MARCHF2: variants seen among roughly 807,000 people sequenced by gnomAD.
The protein encoded by MARCHF2 is E3 ubiquitin-protein ligase MARCHF2.
A neutral mutation model predicts 24.0 loss-of-function variants in MARCHF2; 22 were observed. That is an observed-to-expected ratio of 0.92 (90% CI 0.66 to 1.31). The LOEUF (loss-of-function observed/expected upper bound fraction) is 1.31, where lower values mean the gene tolerates loss of function less well. Among genes scored for constraint, MARCHF2 ranks in the 50% most tolerant of loss-of-function variants. The probability of loss-of-function intolerance (pLI) is 0.00; values close to 1 mark genes in which losing one functional copy is unlikely to be tolerated. For synonymous variants in MARCHF2, 154 were observed against 153.0 expected, an observed-to-expected ratio of 1.01 and a Z score of -0.05; for missense variants, 301 against 335.3, an observed-to-expected ratio of 0.90 and a Z score of 0.80.
At chr19:8,432,860 G>T (rs1967617791) in intron 4 of MARCHF2, among the ~76,000 whole-genome samples, 1 of 151,914 alleles carries the variant, frequency 6.6e-6, no homozygotes, top group African/African-American at 2.4e-5. Flanking sequence ...GCTGCAGCAG[G>T]AGGATCACCA....
intron 2 of MARCHF2, among the ~76,000 whole-genome samples, chr19:8,425,407 A>C (rs1198298667): frequency 1.3e-5 from 2 of 151,990 alleles, no homozygotes; most frequent in Middle Eastern, 3.4e-3. Flanking sequence ...TCAAAAAAAA[A>C]AAAAGAAAAT....
intron 2 of MARCHF2, among the ~76,000 whole-genome samples, chr19:8,426,084 A>G (rs2145554390): frequency 6.6e-6 from 1 of 151,782 alleles, no homozygotes; most frequent in East Asian, 2.0e-4. Context: ...AAACACAATT[A>G]GCCGGGCGTG....
chr19:8,425,439 T>G (rs1967371998), intron 2 of MARCHF2, among the ~76,000 whole-genome samples: 1 of 151,238 alleles, frequency 6.6e-6, no homozygotes, highest in African/African-American at 2.4e-5. Context: ...AGAGATGAGA[T>G]CTCACTAGGT....
chr19:8,432,006 A>C (rs1268111668), intron 4 of MARCHF2, among the ~76,000 whole-genome samples: 3 of 151,692 alleles, frequency 2.0e-5, no homozygotes, highest in Non-Finnish European at 4.4e-5. Context: ...AAAATACAAA[A>C]AATTAACCTG....
chr19:8,424,062 CT>C (rs1411708092), intron 2 of MARCHF2, among the ~76,000 whole-genome samples: 3 of 151,770 alleles, frequency 2.0e-5, no homozygotes. Flanking sequence ...GAAAATAGCT[CT>C]TCTTTGTGTG....
chr19:8,422,702 A>ATTT (rs79474553), intron 2 of MARCHF2, among the ~76,000 whole-genome samples: 16 of 97,110 alleles, frequency 1.6e-4, no homozygotes, highest in African/African-American at 4.1e-4. Context: ...CTCTTTTTAA[A>ATTT]TTTTTTTTTT....
chr19:8,433,543 G>A (rs1967633778), intron 4 of MARCHF2, among the ~76,000 whole-genome samples: 1 of 152,002 alleles, frequency 6.6e-6, no homozygotes, highest in African/African-American at 2.4e-5. Context: ...GTGTGTGGTG[G>A]CACATGCCTG....
chr19:8,425,773 C>T (rs1007575064), intron 2 of MARCHF2, among the ~76,000 whole-genome samples: 1 of 151,974 alleles, frequency 6.6e-6, no homozygotes, highest in East Asian at 2.0e-4. Flanking sequence ...CCTACCACCA[C>T]GCCCAGCTAA....
intron 3 of MARCHF2, chr19:8,427,700 G>A (rs1483322323): frequency 6.6e-6 from 1 of 151,928 alleles, no homozygotes; most frequent in Non-Finnish European, 1.5e-5. Flanking sequence ...GGTGGCTCAT[G>A]CCTGTAATCC....
At chr19:8,436,670 G>A (rs1967730459) in intron 4 of MARCHF2, among the ~76,000 whole-genome samples, 1 of 135,924 alleles carries the variant, frequency 7.4e-6, no homozygotes, top group Admixed American at 9.0e-5. Flanking sequence ...CGTGGCTTAA[G>A]GGCTTTCTTT....
rs1284946337 is a variant in MARCHF2, at chr19:8,413,362, G to C, written c.-111G>C. 1 of 151,724 alleles carries C rather than the reference G, an allele frequency of 6.6e-6. No homozygotes were observed. The highest frequency in any genetic ancestry group is 1.9e-4 in the East Asian group (1 of 5,164). The allele number at this position is 151,724 out of a possible 1,614,324, so 9.4% of individuals were successfully genotyped here. ...GCGCCGACGGGCCGGGCCGGGCCGG[G>C]ACCGGGGCCGAGGCGAACCGAGGGG... On this transcript the variant is annotated 5_prime_UTR_variant, in exon 1 of 5. Coordinates refer to ENST00000215555, the MANE Select transcript of MARCHF2 (RefSeq NM_001005415.2).
chr19:8,428,469 C>T (rs751001774), intron 3 of MARCHF2, among the ~76,000 whole-genome samples: 2 of 151,048 alleles, frequency 1.3e-5, no homozygotes, highest in East Asian at 3.9e-4. Context: ...GCCTGGGTGA[C>T]AAAGCAAAAC....
rs1967553403 is a variant in MARCHF2, at chr19:8,430,630, C to T, written c.373-28C>T. 1 of 1,594,020 alleles carries T rather than the reference C, an allele frequency of 6.3e-7. No homozygotes were observed. On this transcript the variant is annotated intron_variant, in intron 3 of 4. Coordinates refer to ENST00000215555, the MANE Select transcript of MARCHF2 (RefSeq NM_001005415.2). The surrounding 1 kb of genome is among the most constrained non-coding windows in gnomAD (Gnocchi z 4.4). ...CAGTAGCCCCTTCTCTGCCCCCTCT[C>T]CTCTGCCCCCTATCCTCTCCCCTGC...
At chr19:8,414,489 G>A (rs138874177) in intron 1 of MARCHF2, among the ~76,000 whole-genome samples, 3 of 152,162 alleles carry the variant, frequency 2.0e-5, no homozygotes, top group Non-Finnish European at 2.9e-5. Flanking sequence ...GGCTGGTCTC[G>A]AACTCCTGGC....
chr19:8,434,472 T>TA (rs34886411), intron 4 of MARCHF2, among the ~76,000 whole-genome samples: 43,376 of 147,484 alleles, frequency 0.29, 6,805 homozygotes, highest in Middle Eastern at 0.37. Context: ...TGGTGTTCTT[T>TA]AAAAAAAAAA....
chr19:8,422,072 A>G, intron 2 of MARCHF2, 56 bp downstream of exon 2: 2 of 1,533,558 alleles, frequency 1.3e-6, no homozygotes, highest in Non-Finnish European at 1.8e-6. Flanking sequence ...CTCTGGGCGC[A>G]GTGAGTTTCT....
At chr19:8,432,114 T>G (rs1176984953) in intron 4 of MARCHF2, among the ~76,000 whole-genome samples, 1 of 151,226 alleles carries the variant, frequency 6.6e-6, no homozygotes, top group Non-Finnish European at 1.5e-5. Context: ...GCTGAGATCC[T>G]GCTACTGTAC....
intron 4 of MARCHF2, among the ~76,000 whole-genome samples, chr19:8,435,052 C>T (rs1278230924): frequency 6.8e-6 from 1 of 146,776 alleles, no homozygotes; most frequent in African/African-American, 2.5e-5. Flanking sequence ...CAGAGTCTCG[C>T]TCTGTCACCA....
At position 8,426,720 on chromosome 19, in the gene MARCHF2, G is replaced by T; in HGVS notation, c.288G>T (p.Lys96Asn). Residue 96 changes from lysine to asparagine, a missense_variant, in exon 3 of 5, where the codon AAG becomes AAT. Lys to Asn is a moderately conservative substitution (Grantham distance 94). Coordinates refer to ENST00000215555, the MANE Select transcript of MARCHF2 (RefSeq NM_001005415.2). ...LGAVHKSCLE[K>N]WLSSSNTSYC... ...CCGTGCATAAGAGCTGTCTGGAGAA[G>T]TGGCTTTCCTCATCTAACACCAGCT... is the stretch of plus-strand genomic sequence containing the variant. 1 of 1,613,416 alleles carries T rather than the reference G, an allele frequency of 6.2e-7. No homozygotes were observed. The highest frequency in any genetic ancestry group is 8.5e-7 in the Non-Finnish European group (1 of 1,180,016).
Sources: allele counts gnomAD v4.1 joint callset (sites outside exome capture counted in the v4.1 genomes callset), GRCh38; gene constraint gnomAD v4.1.1; non-coding constraint Gnocchi (gnomAD v3.1); transcripts MANE v1.5; gene names NCBI Gene and HGNC (gene_info 2026-07-23, HGNC 2026-07-21).